DSTN: variants seen among roughly 807,000 people sequenced by gnomAD.
The protein encoded by DSTN is destrin.
In DSTN, 10 loss-of-function variants were observed where a neutral mutation model predicts 16.8. That is an observed-to-expected ratio of 0.60 (90% confidence interval 0.37 to 1.01). The LOEUF is 1.01. DSTN is among the 50% of genes least tolerant of loss of function. The pLI is 0.01. For missense variants in DSTN, 141 were observed against 196.7 expected (o/e 0.72, Z 1.69); for synonymous variants, 57 against 58.9 (o/e 0.97, Z 0.14).
intron 3 of DSTN, 102 bp downstream of exon 3, chr20:17,604,733 G>A: frequency 9.8e-7 from 1 of 1,019,794 alleles, no homozygotes; most frequent in Middle Eastern, 2.1e-4. Flanking sequence ...AGAGCTTCGG[G>A]CACAAGGGAG....
chr20:17,575,072 T>A (rs1156393641), intron 1 of DSTN, among the ~76,000 whole-genome samples: 3 of 151,992 alleles, frequency 2.0e-5, no homozygotes, highest in Non-Finnish European at 4.4e-5. Context: ...TTGCCCAGAC[T>A]GGTCTCAAAC....
At chr20:17,586,362 C>G (rs1024477341) in intron 1 of DSTN, among the ~76,000 whole-genome samples, 1 of 152,174 alleles carries the variant, frequency 6.6e-6, no homozygotes, top group Non-Finnish European at 1.5e-5. Context: ...TATTTTAGGA[C>G]AAAACCAATG....
intron 1 of DSTN, among the ~76,000 whole-genome samples, chr20:17,571,200 T>C (rs1439514216): frequency 2.6e-5 from 4 of 152,254 alleles, no homozygotes; most frequent in African/African-American, 9.6e-5. Flanking sequence ...TTTTCGTTAG[T>C]GTGCACACAC....
intron 1 of DSTN, among the ~76,000 whole-genome samples, chr20:17,577,395 C>G (rs1249169954): frequency 6.6e-6 from 1 of 151,980 alleles, no homozygotes; most frequent in Non-Finnish European, 1.5e-5. Context: ...TGGAGAAACC[C>G]CATCTCTACT....
At chr20:17,580,358 C>T (rs1289028199) in intron 1 of DSTN, among the ~76,000 whole-genome samples, 2 of 152,130 alleles carry the variant, frequency 1.3e-5, no homozygotes, top group African/African-American at 4.8e-5. Flanking sequence ...AAGTTCTTTC[C>T]TCATGGAAGT....
At chr20:17,596,500 C>T (rs1001670745) in intron 1 of DSTN, among the ~76,000 whole-genome samples, 2 of 152,184 alleles carry the variant, frequency 1.3e-5, no homozygotes, top group Non-Finnish European at 2.9e-5. Context: ...TGGGGCTTCT[C>T]TGATACCACT....
intron 1 of DSTN, among the ~76,000 whole-genome samples, chr20:17,579,905 A>T (rs1281970136): frequency 1.3e-5 from 2 of 152,218 alleles, no homozygotes; most frequent in Non-Finnish European, 2.9e-5. Context: ...GTGCAGCATT[A>T]ATCATATATA....
intron 1 of DSTN, among the ~76,000 whole-genome samples, chr20:17,592,240 A>G (rs2035477372): frequency 6.6e-6 from 1 of 152,124 alleles, no homozygotes; most frequent in African/African-American, 2.4e-5. Flanking sequence ...AGTCTGGGCA[A>G]CATGGCAAAA....
At position 17,604,819 on chromosome 20, in the gene DSTN, C is replaced by G. The variant is rs59760575; in HGVS notation, c.388+188C>G. Among the ~76,000 whole-genome samples, 1,295 of 152,280 alleles carry G rather than the reference C, an allele frequency of 8.5e-3. 18 individuals carry two copies. The highest frequency in any genetic ancestry group is 0.03 in the African/African-American group (1,239 of 41,552). ...TATCTTCTGCTTTGTGCTGGTTGCTCTGGGTCTGCCCAGCCTGTGTTTAAT... is the reference window on the plus strand; with the variant it reads ...TATCTTCTGCTTTGTGCTGGTTGCTGTGGGTCTGCCCAGCCTGTGTTTAAT... On this transcript the variant is annotated intron_variant, in intron 3 of 3. Transcript: ENST00000246069.
intron 1 of DSTN, among the ~76,000 whole-genome samples, chr20:17,591,354 T>G (rs62201061): frequency 1.1e-4 from 15 of 140,498 alleles, no homozygotes; most frequent in Admixed American, 3.6e-4. Context: ...TTTTTTTTTT[T>G]GGGCAATCCT....
At position 17,598,794 on chromosome 20, in the gene DSTN, C is replaced by T. The variant is rs371625815; in HGVS notation, c.4-1944C>T. Among the ~76,000 whole-genome samples, 5 of 152,238 alleles carry T rather than the reference C, an allele frequency of 3.3e-5. No homozygotes were observed. The South Asian group carries it at 1.0e-3, about 32-fold the overall frequency. Reference sequence around the variant, plus strand: ...TAAAAAAATTTTAGAGGCACGGTCTCCCTATGTTGCCCACACTGGTCTCAA... The same window carrying T: ...TAAAAAAATTTTAGAGGCACGGTCTTCCTATGTTGCCCACACTGGTCTCAA... On this transcript the variant is annotated intron_variant, in intron 1 of 3. Coordinates refer to ENST00000246069, the MANE Select transcript of DSTN (RefSeq NM_006870.4).
In DSTN at chr20:17,608,640, A is replaced by G. The variant is rs1277454577; in HGVS notation, c.*1494A>G. The G allele has an allele frequency of 1.3e-5, 2 of 151,026 alleles. No individual in the cohort carries two copies. Among genetic ancestry groups the G allele is most frequent in the Admixed American group, 1.3e-4 (2 of 15,136 alleles). 9.4% of individuals were successfully genotyped at this position (151,026 alleles called of 1,614,324 possible). On this transcript the variant is annotated 3_prime_UTR_variant, in exon 4 of 4. Coordinates refer to ENST00000246069, the MANE Select transcript of DSTN (RefSeq NM_006870.4). The stretch of plus-strand genomic sequence containing the variant: ...CTCAAAAAAAAAAAAAAAAGTCACA[A>G]CTCCCTCTGGTGAATAAGAAAGTTG...
chr20:17,582,224 G>A (rs1348287415), intron 1 of DSTN, among the ~76,000 whole-genome samples: 3 of 151,856 alleles, frequency 2.0e-5, no homozygotes, highest in African/African-American at 7.3e-5. Context: ...ATTAACAGGT[G>A]CGCGCCACCA....
chr20:17,576,599 A>G (rs2035281148), intron 1 of DSTN: 1 of 152,270 alleles, frequency 6.6e-6, no homozygotes, highest in African/African-American at 2.4e-5. Context: ...TGAAGGTGTG[A>G]AAAGACTGAG....
chr20:17,599,792 A>G (rs566804372), intron 1 of DSTN: 1 of 152,320 alleles, frequency 6.6e-6, no homozygotes, highest in South Asian at 2.1e-4. Flanking sequence ...GCAATCACAC[A>G]TTTGATTGTC....
intron 1 of DSTN, among the ~76,000 whole-genome samples, chr20:17,597,257 A>G (rs1168771009): frequency 4.6e-5 from 7 of 152,186 alleles, no homozygotes; most frequent in Admixed American, 4.6e-4. Flanking sequence ...TTCTAGTCCT[A>G]ATTTTCTGTT....
chr20:17,596,441 T>C (rs2035527443), intron 1 of DSTN, among the ~76,000 whole-genome samples: 1 of 152,204 alleles, frequency 6.6e-6, no homozygotes, highest in Non-Finnish European at 1.5e-5. Flanking sequence ...TGTGCCATAT[T>C]TCCTTTTCTG....
chr20:17,600,695 A>G (rs766162318), intron 1 of DSTN, 43 bp from the exon 2 acceptor site: 3 of 1,509,566 alleles, frequency 2.0e-6, no homozygotes, highest in East Asian at 2.3e-5. Context: ...GTTTGGCACA[A>G]TAAAAATTGT....
intron 1 of DSTN, among the ~76,000 whole-genome samples, chr20:17,585,756 C>T (rs1449576412): frequency 6.6e-6 from 1 of 152,086 alleles, no homozygotes; most frequent in African/African-American, 2.4e-5. Flanking sequence ...TCATTAATCC[C>T]TCCTCCTATC....
Sources: allele counts gnomAD v4.1 joint callset (sites outside exome capture counted in the v4.1 genomes callset), GRCh38; gene constraint gnomAD v4.1.1; transcripts MANE v1.5; gene names NCBI Gene and HGNC (gene_info 2026-07-23, HGNC 2026-07-21).